SLC44A4: variants seen among roughly 807,000 people sequenced by gnomAD.
The protein encoded by SLC44A4 is solute carrier family 44 member 4, also known as choline transporter-like protein 4.
Under a neutral mutation model 97.0 loss-of-function variants are expected in SLC44A4, and 74 were observed. The ratio of observed to expected loss-of-function variants is 0.76; its 90% CI spans 0.63 to 0.93. The LOEUF is 0.93. Ranked by LOEUF, SLC44A4 falls within the 40% of genes least tolerant of loss-of-function variation. The pLI is 0.00. For missense variants in SLC44A4, 799 were observed against 902.9 expected, an observed-to-expected ratio of 0.88 and a Z score of 1.48; for synonymous variants, 325 against 363.8, an observed-to-expected ratio of 0.89 and a Z score of 1.21.
Position 31,865,796 on chromosome 6 carries a change from G to A in SLC44A4, c.1488-12C>T, listed in dbSNP as rs775034474. On this transcript the variant is annotated splice_polypyrimidine_tract_variant and intron_variant, in intron 14 of 20. Coordinates refer to ENST00000229729, the MANE Select transcript of SLC44A4 (RefSeq NM_025257.3). The surrounding 1 kb of genome is among the most constrained non-coding windows in gnomAD (Gnocchi z 5.2). ...ACCCAGTGTGGTAACTGCAGAGGGT[G>A]TTATGCAGTCAGAGACAGCTCCAGG... is the stretch of plus-strand genomic sequence containing the variant. The A allele has an allele frequency of 1.9e-6, 3 of 1,613,642 alleles. No individual in the cohort carries two copies. The highest frequency in any genetic ancestry group is 2.7e-5 in the African/African-American group (2 of 74,936).
chr6:31,872,947 G>A (rs1036818363), intron 7 of SLC44A4, among the ~76,000 whole-genome samples: 1 of 151,418 alleles, frequency 6.6e-6, no homozygotes, highest in African/African-American at 2.4e-5. Flanking sequence ...GCACCATCTC[G>A]GCTCACCGTA....
rs1029570313 is a variant in SLC44A4 at position 31,878,807 on chromosome 6, C to G, written c.40+134G>C. The G allele has an allele frequency of 1.8e-6, 2 of 1,105,954 alleles. No homozygotes were observed. Among genetic ancestry groups the G allele is most frequent in the East Asian group, 2.4e-5 (1 of 41,782 alleles). 68.5% of individuals were successfully genotyped at this position (1,105,954 alleles called of 1,614,324 possible). ...CCTGACTCCCTCCCTCCATGGCTCC[C>G]GGTTCCCGGGCCCTCCCCTCAGGGA... On this transcript the variant is annotated intron_variant, in intron 1 of 20. Coordinates refer to ENST00000229729, the MANE Select transcript of SLC44A4 (RefSeq NM_025257.3). The surrounding 1 kb of genome is among the most constrained non-coding windows in gnomAD (Gnocchi z 4.0).
rs747078670 is a variant in SLC44A4, at chr6:31,875,910, G to A, written c.184C>T (p.Arg62Trp). The change falls in exon 4 of 21, where the codon CGG becomes TGG. Residue 62 changes from arginine (R) to tryptophan (W), a missense_variant. Physicochemically the swap from Arg to Trp is moderately radical, Grantham distance 101. This residue lies in a region of SLC44A4 where 409 missense variants were observed against 434.1 expected (regional missense o/e 0.94). Coordinates refer to ENST00000229729, the MANE Select transcript of SLC44A4 (RefSeq NM_025257.3). Reference protein sequence around the residue: ...GIVAWLYGDPRQVLYPRNSTG... With the variant: ...GIVAWLYGDPWQVLYPRNSTG... ...GAGTTCCTGGGGTAGAGGACTTGCC[G>A]GGGGTCTCCATACAACCAGGCTGCA... is the stretch of plus-strand genomic sequence containing the variant. 1.5e-5 allele frequency: 24 copies of A among 1,613,646 alleles called. No individual in the cohort carries two copies. The highest frequency in any genetic ancestry group is 1.6e-5 in the Non-Finnish European group (19 of 1,179,854).
Position 31,877,060 on chromosome 6 carries a change from G to T in SLC44A4, c.63C>A (p.Pro21=). ...EAYGKPVKYD[P]SFRGPIKNRS... ...TGTTCTTGATGGGGCCTCGAAAGGA[G>T]GGGTCGTATTTGACTGGCTTCCCTG... The change falls in exon 2 of 21, where the codon CCC becomes CCA. Residue 21 remains proline, a synonymous_variant. Transcript: ENST00000229729. This position sits in a 1 kb window ranked among gnomAD's most constrained non-coding sequence, Gnocchi z 6.5. The T allele has an allele frequency of 6.2e-7, 1 of 1,610,460 alleles. No homozygotes were observed. Among genetic ancestry groups the T allele is most frequent in the Admixed American group, 1.7e-5 (1 of 59,594 alleles).
Position 31,871,193 on chromosome 6 carries a change from A to C in SLC44A4, c.701+121T>G, listed in dbSNP as rs1182012385. On this transcript the variant is annotated intron_variant, in intron 9 of 20. Coordinates refer to ENST00000229729, the MANE Select transcript of SLC44A4 (RefSeq NM_025257.3). Reference sequence around the variant, plus strand: ...ATAAATCCTGTTGGTCTTGGAATCCATTCGGAGCTCTGGCTCCTCCTCCTC... The same window carrying C: ...ATAAATCCTGTTGGTCTTGGAATCCCTTCGGAGCTCTGGCTCCTCCTCCTC... The C allele has an allele frequency of 7.0e-6, 9 of 1,290,528 alleles. No homozygotes were observed. The African/African-American group carries it at 1.3e-4, about 19-fold the overall frequency. The allele number at this position is 1,290,528 out of a possible 1,614,324, so 79.9% of individuals were successfully genotyped here. A position where few individuals can be genotyped will look rare whatever the true frequency, so the allele number is the denominator to read the frequency against.
intron 4 of SLC44A4, 108 bp from the exon 5 acceptor site, chr6:31,875,136 G>T: frequency 1.2e-6 from 1 of 809,700 alleles, no homozygotes; most frequent in Non-Finnish European, 2.0e-6. Context: ...GCCCAGCGTG[G>T]CCCATACCAG....
At chr6:31,868,402 G>A (rs1295697622) in intron 13 of SLC44A4, among the ~76,000 whole-genome samples, 1 of 152,180 alleles carries the variant, frequency 6.6e-6, no homozygotes, top group Admixed American at 6.5e-5. Flanking sequence ...GCCAGGCATT[G>A]TACTAAGCAC....
intron 13 of SLC44A4, 59 bp from the exon 14 acceptor site, chr6:31,866,185 T>A (rs1762863402): frequency 1.3e-6 from 2 of 1,579,446 alleles, no homozygotes; most frequent in Non-Finnish European, 8.6e-7. Context: ...GTATGGAGCC[T>A]GGGCGTCCCA....
chr6:31,865,297 G>GC lies in SLC44A4; in HGVS notation c.1760+17_1760+18insG. The stretch of plus-strand genomic sequence containing the variant: ...GATCAGAGGAGGGAGCCACAAAGCG[G>GC]GGGGGGAGCAGCCTAACCTGACAAT... On this transcript the variant is annotated intron_variant, in intron 17 of 20. Transcript: ENST00000229729. This position sits in a 1 kb window ranked among gnomAD's most constrained non-coding sequence, Gnocchi z 5.2. 4 of 1,613,794 alleles carry GC rather than the reference G, an allele frequency of 2.5e-6. No individual in the cohort carries two copies. Among genetic ancestry groups the GC allele is most frequent in the Non-Finnish European group, 3.4e-6 (4 of 1,179,852 alleles).
rs984766629 is a variant in SLC44A4 at position 31,864,409 on chromosome 6, G to A, written c.2011+243C>T. On this transcript the variant is annotated intron_variant, in intron 20 of 20. Transcript: ENST00000229729. ...CTAACTTCTACCCGAGATTTCTTAG[G>A]GAAGATAGCAGAGACCTCTCCATCA... 28 of 583,282 alleles carry A rather than the reference G, an allele frequency of 4.8e-5. 1 individual carries two copies. The East Asian group carries it at 7.3e-4, about 15-fold the overall frequency. The allele number at this position is 583,282 out of a possible 1,614,324, so 36.1% of individuals were successfully genotyped here.
rs758238186 is a variant in SLC44A4, at chr6:31,870,883, G to C, written c.866C>G (p.Ser289Cys). ...GGTGGTGAAACCCAGCTGGGAGATG[G>C]AGGCGCCCTTGTCCCGCAGCACTCG... ...EYRVLRDKGASISQLGFTTNL... is the reference protein window; with the variant it reads ...EYRVLRDKGACISQLGFTTNL... Residue 289 changes from serine to cysteine, a missense_variant, in exon 10 of 21, where the codon TCC becomes TGC. Physicochemically the swap from Ser to Cys is moderately radical, Grantham distance 112. Transcript: ENST00000229729. 7.4e-6 allele frequency: 12 copies of C among 1,612,922 alleles called. No individual in the cohort carries two copies. In the Admixed American group the frequency reaches 2.0e-4, roughly 27 times the overall value.
rs376454540 is a variant in SLC44A4, at chr6:31,869,272, A to C, written c.1131-15T>G. On this transcript the variant is annotated splice_polypyrimidine_tract_variant and intron_variant, in intron 12 of 20. Coordinates refer to ENST00000229729, the MANE Select transcript of SLC44A4 (RefSeq NM_025257.3). ...TAGCCAGGTACCCAGAGGGGAGTCA[A>C]GGAAAGCATGATCACACGAGGTCTC... 1,025 of 1,588,802 alleles carry C rather than the reference A, an allele frequency of 6.5e-4. 1 individual carries two copies. Among genetic ancestry groups the C allele is most frequent in the Admixed American group, 3.0e-3 (172 of 57,510 alleles).
chr6:31,877,836 G>A lies in SLC44A4; in HGVS notation c.41-754C>T. 6.5e-6 allele frequency: 1 copy of A among 154,682 alleles called. No homozygotes were observed. The highest frequency in any genetic ancestry group is 1.4e-5 in the Non-Finnish European group (1 of 70,270). The allele number at this position is 154,682 out of a possible 1,614,324, so 9.6% of individuals were successfully genotyped here. A position where few individuals can be genotyped will look rare whatever the true frequency, so the allele number is the denominator to read the frequency against. ...GTTCCTTGTGGGCACTGAGGAGGGAGAGCCGAGGGCTGGGCAGGAGTCTGG... is the reference window on the plus strand; with the variant it reads ...GTTCCTTGTGGGCACTGAGGAGGGAAAGCCGAGGGCTGGGCAGGAGTCTGG... On this transcript the variant is annotated intron_variant, in intron 1 of 20. Transcript: ENST00000229729. This position sits in a 1 kb window ranked among gnomAD's most constrained non-coding sequence, Gnocchi z 6.5.
chr6:31,869,699 AC>A, intron 11 of SLC44A4, 62 bp from the exon 12 acceptor site: 2 of 1,421,464 alleles, frequency 1.4e-6, no homozygotes, highest in Non-Finnish European at 1.9e-6. Flanking sequence ...CAAGGGGCTG[AC>A]CCCGGCCGGG....
rs1262289732 is a variant in SLC44A4, at chr6:31,871,378, T to C, written c.637A>G (p.Asn213Asp). 2 of 1,614,082 alleles carry C rather than the reference T, an allele frequency of 1.2e-6. No homozygotes were observed. The highest frequency in any genetic ancestry group is 1.7e-6 in the Non-Finnish European group (2 of 1,180,004). The stretch of plus-strand genomic sequence containing the variant: ...ATCTTAACACTGATGTCTCGGGCAT[T>C]GAGGCTGTCAATAAGACCGCTGTTG... ...QGISGLIDSLNARDISVKIFE... is the reference protein window; with the variant it reads ...QGISGLIDSLDARDISVKIFE... Residue 213 changes from asparagine to aspartate, a missense_variant, in exon 9 of 21, where the codon AAT becomes GAT. Asn to Asp is a conservative substitution (Grantham distance 23). Coordinates refer to ENST00000229729, the MANE Select transcript of SLC44A4 (RefSeq NM_025257.3).
At position 31,876,109 on chromosome 6, in the gene SLC44A4, C is replaced by A; in HGVS notation, c.110G>T (p.Cys37Phe). 6.2e-7 allele frequency: 1 copy of A among 1,613,796 alleles called. No homozygotes were observed. The highest frequency in any genetic ancestry group is 8.5e-7 in the Non-Finnish European group (1 of 1,179,870). The part of the protein sequence containing the change: ...IKNRSCTDVI[C>F]CVLFLLFILG... ...AATGAAGAGCAGGAAGAGGACGCAGCAGATGACATCTGTGCAGCTTCTGAG... is the reference window on the plus strand; with the variant it reads ...AATGAAGAGCAGGAAGAGGACGCAGAAGATGACATCTGTGCAGCTTCTGAG... The change falls in exon 3 of 21, where the codon TGC (cysteine) becomes TTC (phenylalanine). Residue 37 changes from cysteine to phenylalanine, a missense_variant. Physicochemically the swap from Cys to Phe is radical, Grantham distance 205 (BLOSUM62 -2). Coordinates refer to ENST00000229729, the MANE Select transcript of SLC44A4 (RefSeq NM_025257.3). The surrounding 1 kb of genome is among the most constrained non-coding windows in gnomAD (Gnocchi z 4.8).
chr6:31,878,791 C>T lies in SLC44A4; in HGVS notation c.40+150G>A. The T allele has an allele frequency of 1.0e-6, 1 of 953,794 alleles. No individual in the cohort carries two copies. 59.1% of individuals were successfully genotyped at this position (953,794 alleles called of 1,614,324 possible). On this transcript the variant is annotated intron_variant, in intron 1 of 20. Coordinates refer to ENST00000229729, the MANE Select transcript of SLC44A4 (RefSeq NM_025257.3). The surrounding 1 kb of genome is among the most constrained non-coding windows in gnomAD (Gnocchi z 4.0). The stretch of plus-strand genomic sequence containing the variant: ...ATCCTCCTCCCAGGACCCTGACTCC[C>T]TCCCTCCATGGCTCCCGGTTCCCGG...
At chr6:31,871,159 C>T in intron 9 of SLC44A4, 112 bp from the exon 10 acceptor site, 6 of 1,271,524 alleles carry the variant, frequency 4.7e-6, no homozygotes, top group Non-Finnish European at 6.7e-6. Context: ...GATTAGGCCT[C>T]TTTCCCTTAT....
Position 31,867,384 on chromosome 6 carries a change from C to T in SLC44A4, c.1234-1258G>A, listed in dbSNP as rs557169296. 1.7e-3 allele frequency among the ~76,000 whole-genome samples: 262 copies of T among 152,006 alleles called. 1 individual carries two copies. The highest frequency in any genetic ancestry group is 2.6e-3 in the Non-Finnish European group (174 of 67,980). On this transcript the variant is annotated intron_variant, in intron 13 of 20. Transcript: ENST00000229729. Reference sequence around the variant, plus strand: ...CTGGGATTACAGGTGTGAGCCACTGCGCGCGGCCTTCTGTCAGTCTTTACT... The same window carrying T: ...CTGGGATTACAGGTGTGAGCCACTGTGCGCGGCCTTCTGTCAGTCTTTACT...
Sources: allele counts gnomAD v4.1 joint callset (sites outside exome capture counted in the v4.1 genomes callset), GRCh38; gene constraint gnomAD v4.1.1; regional missense constraint gnomAD v4.1.1; non-coding constraint Gnocchi (gnomAD v3.1); transcripts MANE v1.5; gene names NCBI Gene and HGNC (gene_info 2026-07-23, HGNC 2026-07-21).